Variants in NEDD9 observed in about 807,000 individuals in gnomAD.
NEDD9 encodes the protein enhancer of filamentation 1.
Under a neutral mutation model 76.6 loss-of-function variants are expected in NEDD9, and 26 were observed. The ratio of observed to expected loss-of-function variants is 0.34; its 90% confidence interval spans 0.25 to 0.47. The LOEUF (loss-of-function observed/expected upper bound fraction) is 0.47. Ranked by LOEUF, NEDD9 falls within the 20% of genes least tolerant of loss-of-function variation. The pLI is 1.00. For missense variants in NEDD9, 937 were observed against 1,058.5 expected (o/e 0.89, Z 1.59); for synonymous variants, 392 against 414.2 (o/e 0.95, Z 0.65).
At chr6:11,187,243 GCATGCCATTTCATGTCATTA>G (rs1156621801) in intron 6 of NEDD9, among the ~76,000 whole-genome samples, 1 of 152,148 alleles carries the variant, frequency 6.6e-6, no homozygotes, top group African/African-American at 2.4e-5. Flanking sequence ...CCTAAATATA[GCATGCCATTTCATGTCATTA>G]CATGCCATTT....
rs1295939884 is a variant in NEDD9, at chr6:11,198,294, C to T, written c.460-4602G>A. ...GCCTTCATCTGTGTATTTTTGCCCTCCTTCCTCTTGGAAATCTTCTGAAGG... is the reference window on the plus strand; with the variant it reads ...GCCTTCATCTGTGTATTTTTGCCCTTCTTCCTCTTGGAAATCTTCTGAAGG... On this transcript the variant is annotated intron_variant, in intron 2 of 6. Transcript: ENST00000379446. The surrounding 1 kb of genome is among the most constrained non-coding windows in gnomAD (Gnocchi z 4.7). The T allele has an allele frequency of 6.6e-6, 1 of 152,202 alleles. No homozygotes were observed. The highest frequency in any genetic ancestry group is 1.5e-5 in the Non-Finnish European group (1 of 68,054). The allele number at this position is 152,202 out of a possible 1,614,324, so 9.4% of individuals were successfully genotyped here. A position where few individuals can be genotyped will look rare whatever the true frequency, so the allele number is the denominator to read the frequency against.
At chr6:11,306,014 G>A in exon 3 of NEDD9, 1 of 1,613,920 alleles carries the variant, frequency 6.2e-7, no homozygotes, top group Non-Finnish European at 8.5e-7. Flanking sequence ...TTTGCCCCAA[G>A]GAATGATGCA....
At chr6:11,301,604 C>T (rs1197895004) in intron 3 of NEDD9, among the ~76,000 whole-genome samples, 5 of 152,144 alleles carry the variant, frequency 3.3e-5, no homozygotes, top group Admixed American at 2.0e-4. Context: ...TAAAATTGAC[C>T]ACTTAGTTGG....
At chr6:11,334,449 T>A (rs771538908) in intron 2 of NEDD9, 2 of 152,242 alleles carry the variant, frequency 1.3e-5, no homozygotes, top group Non-Finnish European at 2.9e-5. Flanking sequence ...GTTTTCTCTA[T>A]TCATGCCACC....
intron 3 of NEDD9, among the ~76,000 whole-genome samples, chr6:11,304,201 T>G (rs1761122140): frequency 6.6e-6 from 1 of 152,064 alleles, no homozygotes; most frequent in Admixed American, 6.5e-5. Context: ...AACAGACATA[T>G]GAAAAAATGC....
At chr6:11,271,109 C>T (rs1760297544) in intron 3 of NEDD9, among the ~76,000 whole-genome samples, 1 of 152,210 alleles carries the variant, frequency 6.6e-6, no homozygotes, top group South Asian at 2.1e-4. Context: ...TCATAGCTCA[C>T]TCCAGCCTCC....
At chr6:11,348,046 C>T (rs1167675937) in intron 1 of NEDD9, among the ~76,000 whole-genome samples, 1 of 152,212 alleles carries the variant, frequency 6.6e-6, no homozygotes, top group African/African-American at 2.4e-5. Flanking sequence ...ACCCCATAGT[C>T]TCTGCCCAAA....
At chr6:11,293,580 A>G (rs1760824556) in intron 3 of NEDD9, among the ~76,000 whole-genome samples, 1 of 152,180 alleles carries the variant, frequency 6.6e-6, no homozygotes, top group Non-Finnish European at 1.5e-5. Flanking sequence ...ACCACAACCA[A>G]GCTAATTGAA....
At chr6:11,255,346 G>A (rs1173631440) in intron 3 of NEDD9, among the ~76,000 whole-genome samples, 5 of 152,340 alleles carry the variant, frequency 3.3e-5, no homozygotes, top group Admixed American at 2.6e-4. Flanking sequence ...GAATTCCAAT[G>A]CATAAATTAA....
chr6:11,198,334 TCTGCACCAA>T lies in NEDD9; in HGVS notation c.460-4651_460-4643del, dbSNP rs1194144009. ...TCTTCTGAAGGCAGGGCCCCCAGGC[TCTGCACCAA>T]CTCCCTCCCTCGGCGAGAACTGAGC... On this transcript the variant is annotated intron_variant, in intron 2 of 6. Transcript: ENST00000379446. This position sits in a 1 kb window ranked among gnomAD's most constrained non-coding sequence, Gnocchi z 4.7. 1.3e-5 allele frequency: 2 copies of T among 152,244 alleles called. No individual in the cohort carries two copies. Among genetic ancestry groups the T allele is most frequent in the East Asian group, 3.9e-4 (2 of 5,182 alleles). The allele number at this position is 152,244 out of a possible 1,614,324, so 9.4% of individuals were successfully genotyped here.
chr6:11,361,024 T>G (rs1762672160), intron 1 of NEDD9, among the ~76,000 whole-genome samples: 2 of 152,224 alleles, frequency 1.3e-5, no homozygotes, highest in Non-Finnish European at 2.9e-5. Context: ...GAGGCATGTA[T>G]GGTACATTTT....
intron 2 of NEDD9, among the ~76,000 whole-genome samples, chr6:11,331,509 A>G (rs999048255): frequency 2.0e-5 from 3 of 152,184 alleles, no homozygotes; most frequent in African/African-American, 7.2e-5. Context: ...TTTTATCCCA[A>G]CGCTAAAGGG....
At chr6:11,194,926 C>T (rs1361122537) in intron 2 of NEDD9, among the ~76,000 whole-genome samples, 1 of 152,182 alleles carries the variant, frequency 6.6e-6, no homozygotes, top group Admixed American at 6.5e-5. Context: ...TCTGCCTAAC[C>T]CCCACCCTTT....
chr6:11,205,294 AACATGGAGCCAAGGCTCAAGGCGC>A (rs1390237452), intron 2 of NEDD9, among the ~76,000 whole-genome samples: 1 of 152,208 alleles, frequency 6.6e-6, no homozygotes, highest in Non-Finnish European at 1.5e-5. Flanking sequence ...TGGGATCCCT[AACATGGAGCCAAGGCTCAAGGCGC>A]CTTGGGGTCA....
At chr6:11,194,606 G>A (rs1313372783) in intron 2 of NEDD9, among the ~76,000 whole-genome samples, 1 of 152,156 alleles carries the variant, frequency 6.6e-6, no homozygotes, top group African/African-American at 2.4e-5. Context: ...AAAATACTGA[G>A]TCAGGGAGGC....
At chr6:11,274,298 G>A (rs1038860691) in intron 3 of NEDD9, among the ~76,000 whole-genome samples, 1 of 152,164 alleles carries the variant, frequency 6.6e-6, no homozygotes, top group Non-Finnish European at 1.5e-5. Context: ...GTTCTGAAGG[G>A]TGATGTGGGC....
At chr6:11,233,786 G>C (rs905100510), upstream of NEDD9, among the ~76,000 whole-genome samples, 1 of 152,088 alleles carries the variant, frequency 6.6e-6, no homozygotes, top group African/African-American at 2.4e-5. Context: ...CCTTTTTCCC[G>C]GGCAAGACTG....
intron 2 of NEDD9, among the ~76,000 whole-genome samples, chr6:11,333,856 C>T (rs1438577050): frequency 6.6e-6 from 1 of 152,230 alleles, no homozygotes. Context: ...TGTTCACCAT[C>T]GTTGAGGTTG....
chr6:11,260,324 A>C (rs1478531077), intron 3 of NEDD9, among the ~76,000 whole-genome samples: 2 of 152,212 alleles, frequency 1.3e-5, no homozygotes, highest in Non-Finnish European at 2.9e-5. Context: ...ACTCAGCATT[A>C]CAGTGAGGTG....
Sources: allele counts gnomAD v4.1 joint callset (sites outside exome capture counted in the v4.1 genomes callset), GRCh38; gene constraint gnomAD v4.1.1; non-coding constraint Gnocchi (gnomAD v3.1); transcripts MANE v1.5; gene names NCBI Gene and HGNC (gene_info 2026-07-23, HGNC 2026-07-21).